Variants in MARCHF5 observed in about 807,000 individuals in gnomAD.
The protein encoded by MARCHF5 is E3 ubiquitin-protein ligase MARCHF5.
A neutral mutation model predicts 36.5 loss-of-function variants in MARCHF5; 5 were observed. The observed-to-expected ratio is 0.14, with a 90% CI of 0.07 to 0.29. The LOEUF is 0.29. Among genes scored for constraint, MARCHF5 ranks in the 10% least tolerant of loss-of-function variants. The pLI is 1.00. For missense variants in MARCHF5, 179 were observed against 336.3 expected, an observed-to-expected ratio of 0.53 and a Z score of 3.66; for synonymous variants, 103 against 109.9, an observed-to-expected ratio of 0.94 and a Z score of 0.39.
chr10:92,303,558 C>T (rs1843041123), intron 1 of MARCHF5, among the ~76,000 whole-genome samples: 1 of 151,908 alleles, frequency 6.6e-6, no homozygotes, highest in African/African-American at 2.4e-5. Flanking sequence ...CATGTTTGTT[C>T]GTTAACTAGA....
intron 1 of MARCHF5, among the ~76,000 whole-genome samples, chr10:92,294,044 G>C (rs532366428): frequency 3.0e-4 from 46 of 152,200 alleles, no homozygotes; most frequent in Middle Eastern, 3.4e-3. Flanking sequence ...ATGCTGGACT[G>C]TAAGACCAAT....
intron 2 of MARCHF5, among the ~76,000 whole-genome samples, chr10:92,331,858 T>C (rs1843438753): frequency 6.8e-6 from 1 of 147,552 alleles, no homozygotes; most frequent in Non-Finnish European, 1.5e-5. Context: ...TATATAATCA[T>C]ATATATGTTT....
Position 92,349,561 on chromosome 10 carries a change from G to A in MARCHF5, c.553+29G>A, listed in dbSNP as rs1196323856. The A allele has an allele frequency of 6.2e-6, 10 of 1,602,158 alleles. No individual in the cohort carries two copies. The South Asian group carries it at 9.0e-5, about 14-fold the overall frequency. ...AGGCACTGAACTGTGGTTGTAAAGT[G>A]CATACCAAATTGATCTTGAAGAACA... is the stretch of plus-strand genomic sequence containing the variant. On this transcript the variant is annotated intron_variant, in intron 4 of 5. Transcript: ENST00000358935.
At position 92,312,528 on chromosome 10, in the gene MARCHF5, C is replaced by T. The variant is rs1843156301; in HGVS notation, c.238+1191C>T. Among the ~76,000 whole-genome samples the T allele has an allele frequency of 3.9e-5, 6 of 152,316 alleles. No individual in the cohort carries two copies. The South Asian group carries it at 1.2e-3, about 32-fold the overall frequency. ...TAAGATCAAAGAAGTATTTTTAAAT[C>T]AGTATCAGGAAAAGCAATGATTGTT... On this transcript the variant is annotated intron_variant, in intron 2 of 5. Coordinates refer to ENST00000358935, the MANE Select transcript of MARCHF5 (RefSeq NM_017824.5).
chr10:92,322,971 C>T (rs1395088910), intron 2 of MARCHF5, among the ~76,000 whole-genome samples: 2 of 151,818 alleles, frequency 1.3e-5, no homozygotes, highest in South Asian at 2.1e-4. Context: ...CTCTTGACCT[C>T]GTGATCCACC....
At chr10:92,333,634 A>G in intron 2 of MARCHF5, 1 of 984,876 alleles carries the variant, frequency 1.0e-6, no homozygotes, top group Non-Finnish European at 1.2e-6. Flanking sequence ...GGGTAAGTGT[A>G]TTTTGTGGGG....
At chr10:92,327,845 C>T (rs888875401) in intron 2 of MARCHF5, among the ~76,000 whole-genome samples, 2 of 151,872 alleles carry the variant, frequency 1.3e-5, no homozygotes, top group African/African-American at 2.4e-5. Context: ...TCAACAACAC[C>T]CTTGAAAAAG....
intron 1 of MARCHF5, among the ~76,000 whole-genome samples, chr10:92,305,299 C>T (rs983614285): frequency 2.0e-5 from 3 of 151,748 alleles, no homozygotes; most frequent in African/African-American, 4.8e-5. Flanking sequence ...CCCAGCTACT[C>T]GGGAGGGTGA....
rs1055170983 is a variant in MARCHF5 at position 92,307,221 on chromosome 10, A to G, written c.36-3914A>G. Among the ~76,000 whole-genome samples the G allele has an allele frequency of 3.8e-4, 51 of 133,448 alleles. 1 individual carries two copies. The highest frequency in any genetic ancestry group is 1.6e-3 in the African/African-American group (48 of 29,472). The allele number at this position is 133,448 out of a possible 152,430, so 87.5% of individuals were successfully genotyped here. On this transcript the variant is annotated intron_variant, in intron 1 of 5. Transcript: ENST00000358935. ...TGTGTGTGTGTGTGTGTGCGCGTGC[A>G]TGCACGCACGTGCCCTCCCCTCCTT...
In MARCHF5 at chr10:92,353,660, GTTTA is replaced by G. The variant is rs1264874758; in HGVS notation, c.*2457_*2460del. 1 of 152,510 alleles carries G rather than the reference GTTTA, an allele frequency of 6.6e-6. No homozygotes were observed. The highest frequency in any genetic ancestry group is 6.6e-5 in the Admixed American group (1 of 15,250). 9.4% of individuals were successfully genotyped at this position (152,510 alleles called of 1,614,324 possible). Reference sequence around the variant, plus strand: ...ATGGGTGGGTATATTTTATTTTCCAGTTTATTTTCATATTTCTTTACTGTGTTAT... The same window carrying G: ...ATGGGTGGGTATATTTTATTTTCCAGTTTTCATATTTCTTTACTGTGTTAT... On this transcript the variant is annotated 3_prime_UTR_variant, in exon 6 of 6. Transcript: ENST00000358935.
At chr10:92,296,970 A>G (rs555403327) in intron 1 of MARCHF5, among the ~76,000 whole-genome samples, 1 of 152,284 alleles carries the variant, frequency 6.6e-6, no homozygotes, top group East Asian at 1.9e-4. Context: ...GCCCAGAATT[A>G]AAAATCATCA....
At chr10:92,305,879 G>A (rs1170284277) in intron 1 of MARCHF5, among the ~76,000 whole-genome samples, 1 of 152,136 alleles carries the variant, frequency 6.6e-6, no homozygotes, top group Non-Finnish European at 1.5e-5. Context: ...GCAGTGAGCC[G>A]TGATTGTGCC....
rs1564956333 is a variant in MARCHF5, at chr10:92,352,013, C to A, written c.*806C>A. On this transcript the variant is annotated 3_prime_UTR_variant, in exon 6 of 6. Transcript: ENST00000358935. ...TTTCAACCCATATTTCTAGAAATTA[C>A]AGCTGCCAGTTTATAGTAGTTTGAG... 6.6e-6 allele frequency: 1 copy of A among 151,920 alleles called. No homozygotes were observed. Among genetic ancestry groups the A allele is most frequent in the Non-Finnish European group, 1.5e-5 (1 of 67,898 alleles). 9.4% of individuals were successfully genotyped at this position (151,920 alleles called of 1,614,324 possible).
intron 1 of MARCHF5, among the ~76,000 whole-genome samples, chr10:92,299,898 T>C (rs1220163079): frequency 2.0e-5 from 3 of 152,096 alleles, no homozygotes; most frequent in Non-Finnish European, 4.4e-5. Flanking sequence ...TTATTGAGAT[T>C]AAGTTCAGGG....
intron 3 of MARCHF5, among the ~76,000 whole-genome samples, chr10:92,344,742 T>G (rs2037197905): frequency 6.6e-6 from 1 of 152,226 alleles, no homozygotes; most frequent in African/African-American, 2.4e-5. Context: ...TTTTCTTTCC[T>G]TCTCCATGGA....
intron 1 of MARCHF5, among the ~76,000 whole-genome samples, chr10:92,295,508 C>T (rs1466923510): frequency 2.0e-5 from 3 of 149,670 alleles, no homozygotes; most frequent in African/African-American, 2.4e-5. Context: ...CTTGGGTTCA[C>T]GCCATTCTCC....
chr10:92,291,836 C>T (rs1490662831), intron 1 of MARCHF5, among the ~76,000 whole-genome samples: 1 of 147,800 alleles, frequency 6.8e-6, no homozygotes, highest in East Asian at 1.9e-4. Flanking sequence ...CTTCCCCTCC[C>T]CCTTCCCCCT....
Position 92,353,699 on chromosome 10 carries a change from CTT to C in MARCHF5, c.*2494_*2495del, listed in dbSNP as rs1197382746. On this transcript the variant is annotated 3_prime_UTR_variant, in exon 6 of 6. Coordinates refer to ENST00000358935, the MANE Select transcript of MARCHF5 (RefSeq NM_017824.5). ...TTCTTTACTGTGTTATTTCTGGAAA[CTT>C]TAATGTTTTAAACCTCTTTTATAAA... 1.3e-5 allele frequency: 2 copies of C among 152,476 alleles called. No individual in the cohort carries two copies. Among genetic ancestry groups the C allele is most frequent in the African/African-American group, 4.8e-5 (2 of 41,386 alleles). 9.4% of individuals were successfully genotyped at this position (152,476 alleles called of 1,614,324 possible).
intron 3 of MARCHF5, among the ~76,000 whole-genome samples, chr10:92,341,561 C>A (rs532597735): frequency 1.3e-5 from 2 of 152,118 alleles, no homozygotes; most frequent in African/African-American, 4.8e-5. Context: ...CTTTTTATAC[C>A]TTCTTCTTAA....
Sources: allele counts gnomAD v4.1 joint callset (sites outside exome capture counted in the v4.1 genomes callset), GRCh38; gene constraint gnomAD v4.1.1; transcripts MANE v1.5; gene names NCBI Gene and HGNC (gene_info 2026-07-23, HGNC 2026-07-21).